The following LRP6 variants were observed in gnomAD, a reference collection of about 807,000 sequenced individuals.
LRP6 encodes the protein low-density lipoprotein receptor-related protein 6.
A neutral mutation model predicts 184.1 loss-of-function variants in LRP6; 43 were observed. The observed-to-expected ratio is 0.23, with a 90% CI of 0.18 to 0.30. The LOEUF is 0.30. LRP6 is among the 10% of genes least tolerant of loss of function. LRP6 has a pLI of 1.00. For synonymous variants in LRP6, 719 were observed against 684.9 expected (o/e 1.05, Z -0.78); for missense variants, 1,571 against 2,005.3 (o/e 0.78, Z 4.14).
intron 2 of LRP6, among the ~76,000 whole-genome samples, chr12:12,243,638 AC>A (rs1281662753): frequency 2.0e-5 from 3 of 152,344 alleles, no homozygotes; most frequent in African/African-American, 7.2e-5. Flanking sequence ...CACACTGGGC[AC>A]AGTGGCTCAC....
At chr12:12,218,360 C>A (rs964588319) in intron 2 of LRP6, among the ~76,000 whole-genome samples, 1 of 151,794 alleles carries the variant, frequency 6.6e-6, no homozygotes. Flanking sequence ...ACCTATGGTC[C>A]CAGCTACTCA....
intron 15 of LRP6, among the ~76,000 whole-genome samples, chr12:12,145,629 T>TTTC (rs1555105803): frequency 1.7e-4 from 7 of 41,080 alleles, no homozygotes; most frequent in African/African-American, 4.8e-4. Flanking sequence ...TTTTTCTTTT[T>TTTC]TTTTTTTTTT....
chr12:12,190,663 C>A (rs1047984120), intron 3 of LRP6, among the ~76,000 whole-genome samples: 1 of 152,182 alleles, frequency 6.6e-6, no homozygotes, highest in African/African-American at 2.4e-5. Context: ...TTCTGGACCT[C>A]CTCACAGATA....
intron 3 of LRP6, among the ~76,000 whole-genome samples, chr12:12,193,561 G>C (rs1328873998): frequency 6.6e-6 from 1 of 151,640 alleles, no homozygotes; most frequent in Non-Finnish European, 1.5e-5. Flanking sequence ...GAGAAACACT[G>C]CCTTACAGAA....
chr12:12,232,586 CAAA>C (rs34155963), intron 2 of LRP6, among the ~76,000 whole-genome samples: 2 of 115,726 alleles, frequency 1.7e-5, no homozygotes, highest in Admixed American at 8.3e-5. Flanking sequence ...CCAGCAGGTG[CAAA>C]AAAAAAAAAA....
chr12:12,254,140 T>A (rs1865400152), intron 1 of LRP6, among the ~76,000 whole-genome samples: 1 of 41,888 alleles, frequency 2.4e-5, no homozygotes, highest in African/African-American at 8.6e-5. Flanking sequence ...TGAGACTCTG[T>A]CTCAAAAAAA....
chr12:12,154,677 C>A (rs945214432), intron 12 of LRP6, among the ~76,000 whole-genome samples: 1 of 151,890 alleles, frequency 6.6e-6, no homozygotes, highest in South Asian at 2.1e-4. Context: ...CTAACCTGGG[C>A]AACACAGTAA....
chr12:12,198,487 A>T (rs1863826650), intron 3 of LRP6, among the ~76,000 whole-genome samples: 1 of 147,662 alleles, frequency 6.8e-6, no homozygotes, highest in African/African-American at 2.5e-5. Flanking sequence ...GTGATTTTTT[A>T]AATTCTTTCT....
intron 3 of LRP6, among the ~76,000 whole-genome samples, chr12:12,188,736 C>T (rs1863541171): frequency 6.6e-6 from 1 of 152,210 alleles, no homozygotes; most frequent in Non-Finnish European, 1.5e-5. Flanking sequence ...AGAACTGTCA[C>T]AATACCTTCT....
chr12:12,132,291 A>G (rs1949771388), intron 17 of LRP6, among the ~76,000 whole-genome samples: 1 of 152,342 alleles, frequency 6.6e-6, no homozygotes, highest in Non-Finnish European at 1.5e-5. Context: ...AAGTTTTTTC[A>G]TATCTTGTAA....
At chr12:12,151,155 G>A in intron 12 of LRP6, 117 bp from the exon 13 acceptor site, 2 of 979,672 alleles carry the variant, frequency 2.0e-6, no homozygotes, top group Non-Finnish European at 3.1e-6. Flanking sequence ...ATGTTGAAGA[G>A]CTAAGGCTGA....
intron 2 of LRP6, among the ~76,000 whole-genome samples, chr12:12,232,550 G>C (rs2135894515): frequency 6.9e-6 from 1 of 145,240 alleles, no homozygotes; most frequent in Non-Finnish European, 1.5e-5. Flanking sequence ...AAACACTCGA[G>C]GAAACATTTA....
intron 7 of LRP6, among the ~76,000 whole-genome samples, chr12:12,176,847 T>C: frequency 6.8e-6 from 1 of 147,716 alleles, no homozygotes; most frequent in South Asian, 2.1e-4. Context: ...CCCAAACTTT[T>C]TTTTTTTTTT....
chr12:12,147,357 C>G lies in LRP6; in HGVS notation c.3397+9G>C, dbSNP rs1035720659. ...CAAATTAAAATAAGGAAACATATTT[C>G]TTGGGTACCTGAGAGATCACTGCTT... On this transcript the variant is annotated intron_variant, in intron 15 of 22. Coordinates refer to ENST00000261349, the MANE Select transcript of LRP6 (RefSeq NM_002336.3). The G allele has an allele frequency of 1.2e-6, 2 of 1,613,662 alleles. No homozygotes were observed. The highest frequency in any genetic ancestry group is 1.7e-6 in the Non-Finnish European group (2 of 1,179,752).
Position 12,152,019 on chromosome 12 carries a change from G to C in LRP6, c.2792-981C>G, listed in dbSNP as rs564751160. Among the ~76,000 whole-genome samples the C allele has an allele frequency of 3.9e-5, 6 of 152,226 alleles. 1 individual carries two copies. In the South Asian group the frequency reaches 1.2e-3, roughly 32 times the overall value. ...AGATGCTTTATGATATGGTTTGGCTGTGTCCCCACCCAAATCTCAATTTGA... is the reference window on the plus strand; with the variant it reads ...AGATGCTTTATGATATGGTTTGGCTCTGTCCCCACCCAAATCTCAATTTGA... On this transcript the variant is annotated intron_variant, in intron 12 of 22. Transcript: ENST00000261349.
At chr12:12,124,861 A>G (rs1428312686) in intron 21 of LRP6, among the ~76,000 whole-genome samples, 199 bp from the exon 22 acceptor site, 1 of 152,212 alleles carries the variant, frequency 6.6e-6, no homozygotes, top group East Asian at 1.9e-4. Flanking sequence ...TCATGGCTAA[A>G]AAGTGCAAAG....
At chr12:12,264,900 T>TC (rs2135952603) in intron 1 of LRP6, among the ~76,000 whole-genome samples, 1 of 152,296 alleles carries the variant, frequency 6.6e-6, no homozygotes, top group Non-Finnish European at 1.5e-5. Flanking sequence ...AACTATTACC[T>TC]CTTCCAGGTC....
At chr12:12,263,834 CA>C (rs970813255) in intron 1 of LRP6, among the ~76,000 whole-genome samples, 12 of 146,604 alleles carry the variant, frequency 8.2e-5, no homozygotes, top group Admixed American at 4.1e-4. Flanking sequence ...ACCCTACCTC[CA>C]AAAAAAAAAT....
In LRP6 at chr12:12,159,962, A is replaced by T. The variant is rs761551098; in HGVS notation, c.2282T>A (p.Phe761Tyr). Residue 761 changes from phenylalanine (F) to tyrosine (Y), a missense_variant and splice_region_variant, in exon 11 of 23, where the codon TTT becomes TAT. By Grantham distance (22) the Phe-to-Tyr change is conservative. This residue lies in a region of LRP6 where 158 missense variants were observed against 258.4 expected (regional missense o/e 0.61). Coordinates refer to ENST00000261349, the MANE Select transcript of LRP6 (RefSeq NM_002336.3). ...TCCACCCCATTCAGTCCAATACATA[A>T]ATCTAAATTCAAAATAATAAATATT... is the stretch of plus-strand genomic sequence containing the variant. ...RALALDPAEGFMYWTEWGGKP... is the reference protein window; with the variant it reads ...RALALDPAEGYMYWTEWGGKP... 1.3e-6 allele frequency: 2 copies of T among 1,597,516 alleles called. No homozygotes were observed. The highest frequency in any genetic ancestry group is 1.7e-6 in the Non-Finnish European group (2 of 1,170,546).
Sources: gnomAD v4.1 joint callset for allele counts (sites outside exome capture counted in the v4.1 genomes callset) on GRCh38, gnomAD v4.1.1 for gene constraint, gnomAD v4.1.1 regional missense constraint, MANE v1.5 for transcripts, NCBI Gene and HGNC (gene_info 2026-07-23, HGNC 2026-07-21) for gene names.